Variants in ZFYVE26 observed in about 807,000 individuals in gnomAD.
ZFYVE26 encodes zinc finger FYVE-type containing 26.
A neutral mutation model predicts 276.5 loss-of-function variants in ZFYVE26; 181 were observed. The ratio of observed to expected loss-of-function variants is 0.65; its 90% CI spans 0.58 to 0.74. The LOEUF is 0.74. Ranked by LOEUF, ZFYVE26 falls within the 30% of genes least tolerant of loss-of-function variation. The pLI is 0.00. For synonymous variants in ZFYVE26, 1,129 were observed against 1,203.1 expected, an observed-to-expected ratio of 0.94 and a Z score of 1.27; for missense variants, 2,821 against 3,097.9, an observed-to-expected ratio of 0.91 and a Z score of 2.12.
intron 6 of ZFYVE26, 135 bp from the exon 7 acceptor site, chr14:67,805,753 G>A: frequency 2.8e-6 from 3 of 1,056,926 alleles, no homozygotes; most frequent in Non-Finnish European, 2.8e-6. Context: ...GGTTGGCTGG[G>A]CGTAGTGGCT....
intron 31 of ZFYVE26, 152 bp from the exon 32 acceptor site, chr14:67,766,599 G>T: frequency 2.8e-6 from 2 of 718,516 alleles, no homozygotes; most frequent in Non-Finnish European, 4.7e-6. Context: ...AGCAGAAGTG[G>T]AACTAAACAA....
At position 67,806,566 on chromosome 14, in the gene ZFYVE26, T is replaced by A; in HGVS notation, c.996A>T (p.Lys332Asn). 6.2e-7 allele frequency: 1 copy of A among 1,614,208 alleles called. No homozygotes were observed. The highest frequency in any genetic ancestry group is 8.5e-7 in the Non-Finnish European group (1 of 1,180,022). The change falls in exon 6 of 42, where the codon AAA (lysine) becomes AAT (asparagine). Residue 332 changes from lysine to asparagine, a missense_variant. Lys to Asn is a moderately conservative substitution (Grantham distance 94). Transcript: ENST00000347230. ...TTACCAGAATCTGCTCGAGGAAGTG[T>A]TTGTTGTTGCTCAGGCAGTAGAAAT... is the stretch of plus-strand genomic sequence containing the variant. ...VAYFYCLSNN[K>N]HFLEQILVTA...
chr14:67,797,890 T>C, intron 11 of ZFYVE26, 124 bp downstream of exon 11: 2 of 1,579,784 alleles, frequency 1.3e-6, no homozygotes, highest in Non-Finnish European at 1.7e-6. Flanking sequence ...TGACACTGGT[T>C]GCCATGGTGA....
intron 14 of ZFYVE26, among the ~76,000 whole-genome samples, chr14:67,792,456 A>G (rs1402906695): frequency 6.6e-6 from 1 of 152,226 alleles, no homozygotes; most frequent in Admixed American, 6.5e-5. Flanking sequence ...TATGAGGTAG[A>G]AAAACCAGGT....
Position 67,753,720 on chromosome 14 carries a change from A to G in ZFYVE26, c.7175T>C (p.Phe2392Ser). The change falls in exon 39 of 42, where the codon TTC becomes TCC. Residue 2392 changes from phenylalanine (F) to serine (S), a missense_variant. By Grantham distance (155) the Phe-to-Ser change is radical. Coordinates refer to ENST00000347230, the MANE Select transcript of ZFYVE26 (RefSeq NM_015346.4). ...KNVEDGFGIA[F>S]RVLQDFQLDA... ...TCCAAGTCATACCTGCAGAACACGG[A>G]AAGCAATTCCAAAACCATCTTCTAC... The G allele has an allele frequency of 6.2e-7, 1 of 1,613,760 alleles. No individual in the cohort carries two copies. The highest frequency in any genetic ancestry group is 8.5e-7 in the Non-Finnish European group (1 of 1,179,862).
chr14:67,801,329 C>A (rs551609908), intron 10 of ZFYVE26, among the ~76,000 whole-genome samples: 1 of 152,132 alleles, frequency 6.6e-6, no homozygotes, highest in African/African-American at 2.4e-5. Context: ...TTACATTGTT[C>A]CTCATCCCTG....
chr14:67,794,112 G>C, intron 13 of ZFYVE26, 59 bp downstream of exon 13: 1 of 1,553,314 alleles, frequency 6.4e-7, no homozygotes. Context: ...CATGGTGTAT[G>C]GCAACTCTAT....
At chr14:67,799,088 TCTCCAGTGCTC>T in intron 10 of ZFYVE26, 1 of 1,215,264 alleles carries the variant, frequency 8.2e-7, no homozygotes, top group Non-Finnish European at 1.2e-6. Context: ...GGACGAGGAC[TCTCCAGTGCTC>T]ACCCAAGACC....
downstream of ZFYVE26, among the ~76,000 whole-genome samples, chr14:67,741,890 G>A (rs2038418541): frequency 6.6e-6 from 1 of 152,148 alleles, no homozygotes; most frequent in African/African-American, 2.4e-5. Context: ...TGAACTTTCT[G>A]CTCTCCAGAT....
intron 13 of ZFYVE26, among the ~76,000 whole-genome samples, chr14:67,732,881 G>A (rs4899221): frequency 0.12 from 17,963 of 152,054 alleles, 1,095 homozygotes; most frequent in Admixed American, 0.14. Flanking sequence ...GTGCCCAGCC[G>A]TGATAGGCTT....
At chr14:67,760,886 T>A (rs1259900747) in intron 35 of ZFYVE26, 1 of 242,778 alleles carries the variant, frequency 4.1e-6, no homozygotes, top group African/African-American at 2.2e-5. Flanking sequence ...TCTTCTTTCA[T>A]CATCTATTTG....
In ZFYVE26 at chr14:67,783,345, T is replaced by C. The variant is rs2039558911; in HGVS notation, c.3807A>G (p.Pro1269=). The change falls in exon 21 of 42, where the codon CCA becomes CCG. Residue 1269 remains proline, a synonymous_variant. Coordinates refer to ENST00000347230, the MANE Select transcript of ZFYVE26 (RefSeq NM_015346.4). Reference sequence around the variant, plus strand: ...TCCTCGGGGAGCTCGGTGTAGAAAGTGGGAGGTCATCCAGGCAGTGAGAGG... The same window carrying C: ...TCCTCGGGGAGCTCGGTGTAGAAAGCGGGAGGTCATCCAGGCAGTGAGAGG... The part of the protein sequence containing the change: ...LHASHCLDDL[P]LSTPSSPRTT... The C allele has an allele frequency of 1.9e-6, 3 of 1,612,840 alleles. No individual in the cohort carries two copies. Among genetic ancestry groups the C allele is most frequent in the Non-Finnish European group, 2.5e-6 (3 of 1,179,042 alleles).
At position 67,785,064 on chromosome 14, in the gene ZFYVE26, T is replaced by C; in HGVS notation, c.3518A>G (p.Glu1173Gly). The C allele has an allele frequency of 1.9e-6, 3 of 1,614,204 alleles. No homozygotes were observed. The highest frequency in any genetic ancestry group is 2.5e-6 in the Non-Finnish European group (3 of 1,180,028). Residue 1173 changes from glutamate (E) to glycine (G), a missense_variant, in exon 19 of 42, where the codon GAG (glutamate) becomes GGG (glycine). Glu to Gly is a moderately conservative substitution (Grantham distance 98, BLOSUM62 -2). Transcript: ENST00000347230. ...AAVLLQSLSS[E>G]PDHVEVKVGN... is the part of the protein sequence containing the mutation. The stretch of plus-strand genomic sequence containing the variant: ...GCCTCTTTCTTGCTACCTACCAGGC[T>C]CAGAGCTCAAACTTTGAAGGAGAAC...
rs1470909476 is a variant in ZFYVE26, at chr14:67,802,203, C to T, written c.1515G>A (p.Lys505=). 6.2e-7 allele frequency: 1 copy of T among 1,614,098 alleles called. No individual in the cohort carries two copies. Among genetic ancestry groups the T allele is most frequent in the Non-Finnish European group, 8.5e-7 (1 of 1,180,050 alleles). ...LTLYQGFCAM[K]YAIYALCVNS... is the part of the protein sequence containing the mutation. ...TTACACAGAGGGCATAGATGGCATA[C>T]TTCATGGCACAGAAGCCCTGGTAGA... The change falls in exon 10 of 42, where the codon AAG becomes AAA. Residue 505 remains lysine (K), a synonymous_variant. Coordinates refer to ENST00000347230, the MANE Select transcript of ZFYVE26 (RefSeq NM_015346.4).
At position 67,807,442 on chromosome 14, in the gene ZFYVE26, T is replaced by C. The variant is rs2040204275; in HGVS notation, c.842A>G (p.Glu281Gly). ...LLSLYGHTYA[E>G]KVTEKPPRAT... is the part of the protein sequence containing the mutation. ...CCTCGGTGGCTTTTCTGTGACCTTC[T>C]CTGCATAGGTATGGCCATACAGGGA... Residue 281 changes from glutamate to glycine, a missense_variant, in exon 5 of 42, where the codon GAG becomes GGG. Physicochemically the swap from Glu to Gly is moderately conservative, Grantham distance 98. Transcript: ENST00000347230. 2 of 1,614,012 alleles carry C rather than the reference T, an allele frequency of 1.2e-6. No homozygotes were observed. Among genetic ancestry groups the C allele is most frequent in the South Asian group, 2.2e-5 (2 of 91,090 alleles).
At chr14:67,755,314 G>A (rs1470156028) in intron 36 of ZFYVE26, 64 bp from the exon 37 acceptor site, 1 of 1,573,716 alleles carries the variant, frequency 6.4e-7, no homozygotes, top group South Asian at 1.1e-5. Flanking sequence ...GGGGTGTGAT[G>A]AGAATTCTCA....
chr14:67,804,048 T>C, intron 9 of ZFYVE26, 53 bp downstream of exon 9: 1 of 1,604,918 alleles, frequency 6.2e-7, no homozygotes, highest in Non-Finnish European at 8.5e-7. Flanking sequence ...GGAAGAAATG[T>C]GTAAGAATGT....
exon 14 of ZFYVE26, chr14:67,729,644 A>G: frequency 1.6e-6 from 1 of 610,898 alleles, no homozygotes. Context: ...AAGCTTTTAA[A>G]GAAGACTGTC....
At chr14:67,775,276 C>T (rs909245681) in intron 26 of ZFYVE26, among the ~76,000 whole-genome samples, 162 bp from the exon 27 acceptor site, 6 of 152,120 alleles carry the variant, frequency 3.9e-5, no homozygotes, top group Admixed American at 6.6e-5. Flanking sequence ...GCCCATAGCA[C>T]GCATGTTTCT....
Sources: gnomAD v4.1 joint callset for allele counts (sites outside exome capture counted in the v4.1 genomes callset) on GRCh38, gnomAD v4.1.1 for gene constraint, MANE v1.5 for transcripts, NCBI Gene and HGNC (gene_info 2026-07-23, HGNC 2026-07-21) for gene names.